The following ISLR variants were observed in gnomAD, a reference collection of about 807,000 sequenced individuals.
The protein encoded by ISLR is immunoglobulin superfamily containing leucine-rich repeat protein.
In ISLR, 9 loss-of-function variants were observed where a neutral mutation model predicts 11.0. The ratio of observed to expected loss-of-function variants is 0.82; its 90% CI spans 0.49 to 1.43. The LOEUF (loss-of-function observed/expected upper bound fraction) is 1.43. ISLR is among the 40% of genes most tolerant of loss of function. The pLI is 0.00. For synonymous variants in ISLR, 262 were observed against 264.1 expected (o/e 0.99, Z 0.08); for missense variants, 510 against 576.4 (o/e 0.88, Z 1.18).
rs770211289 is a variant in ISLR at position 74,175,999 on chromosome 15, C to T, written c.1141C>T (p.Pro381Ser). The T allele has an allele frequency of 2.1e-5, 34 of 1,613,142 alleles. No individual in the cohort carries two copies. The East Asian group carries it at 7.6e-4, about 36-fold the overall frequency. ...TVDNEVQPSG[P>S]EDNVVIIYLS... is the part of the protein sequence containing the mutation. ...TGACAACGAGGTGCAGCCATCAGGG[C>T]CGGAGGACAATGTGGTCATCATCTA... is the stretch of plus-strand genomic sequence containing the variant. Residue 381 changes from proline (P) to serine (S), a missense_variant, in exon 2 of 2, where the codon CCG (proline) becomes TCG (serine). Coordinates refer to ENST00000249842, the MANE Select transcript of ISLR (RefSeq NM_005545.4). This position sits in a 1 kb window ranked among gnomAD's most constrained non-coding sequence, Gnocchi z 4.7.
rs2072789606 is a variant in ISLR at position 74,175,856 on chromosome 15, T to G, written c.998T>G (p.Leu333Arg). Residue 333 changes from leucine (L) to arginine (R), a missense_variant, in exon 2 of 2, where the codon CTG becomes CGG. Leu to Arg is a moderately radical substitution (Grantham distance 102). Coordinates refer to ENST00000249842, the MANE Select transcript of ISLR (RefSeq NM_005545.4). This position sits in a 1 kb window ranked among gnomAD's most constrained non-coding sequence, Gnocchi z 4.7. The stretch of plus-strand genomic sequence containing the variant: ...TACAGCTGCCTGGCCACCAATGAGC[T>G]GGGCAGTGCTGAGAGCTCAGTGGAC... ...GTYSCLATNE[L>R]GSAESSVDVA... 6.2e-7 allele frequency: 1 copy of G among 1,613,926 alleles called. No homozygotes were observed.
In ISLR at chr15:74,174,957, C is replaced by T. The variant is rs762783133; in HGVS notation, c.99C>T (p.Ile33=). 24 of 1,612,044 alleles carry T rather than the reference C, an allele frequency of 1.5e-5. No homozygotes were observed. The highest frequency in any genetic ancestry group is 1.6e-4 in the Middle Eastern group (1 of 6,074). The change falls in exon 2 of 2, where the codon ATC becomes ATT. Residue 33 remains isoleucine (I), a synonymous_variant. Transcript: ENST00000249842. ...GTGGGGAAAAGTATGGCTTCCAGAT[C>T]GCCGACTGTGCCTACCGCGACCTAG... ...CDCGEKYGFQ[I]ADCAYRDLES... is the part of the protein sequence containing the mutation.
intron 1 of ISLR, 104 bp from the exon 2 acceptor site, chr15:74,174,747 G>A (rs937931735): frequency 2.6e-5 from 23 of 868,626 alleles, no homozygotes; most frequent in Non-Finnish European, 3.6e-5. Flanking sequence ...GGTTATGTGG[G>A]ACAGGGCCTC....
In ISLR at chr15:74,175,872, C is replaced by T; in HGVS notation, c.1014C>T (p.Ser338=). The change falls in exon 2 of 2, where the codon AGC becomes AGT. Residue 338 remains serine (S), a synonymous_variant. Coordinates refer to ENST00000249842, the MANE Select transcript of ISLR (RefSeq NM_005545.4). The surrounding 1 kb of genome is among the most constrained non-coding windows in gnomAD (Gnocchi z 4.7). ...LATNELGSAE[S]SVDVALATPG... is the part of the protein sequence containing the mutation. Reference sequence around the variant, plus strand: ...CCAATGAGCTGGGCAGTGCTGAGAGCTCAGTGGACGTGGCACTGGCCACGC... The same window carrying T: ...CCAATGAGCTGGGCAGTGCTGAGAGTTCAGTGGACGTGGCACTGGCCACGC... The T allele has an allele frequency of 6.2e-7, 1 of 1,614,036 alleles. No individual in the cohort carries two copies. Among genetic ancestry groups the T allele is most frequent in the South Asian group, 1.1e-5 (1 of 91,078 alleles).
Position 74,175,482 on chromosome 15 carries a change from C to T in ISLR, c.624C>T (p.Ile208=), listed in dbSNP as rs200075198. 9.9e-6 allele frequency: 16 copies of T among 1,610,556 alleles called. No homozygotes were observed. The East Asian group carries it at 2.0e-4, about 20-fold the overall frequency. Reference sequence around the variant, plus strand: ...TGTCCATCCCGGAGCAGGACAACATCGCCTGCACCTCACCCCATGTGCTCA... The same window carrying T: ...TGTCCATCCCGGAGCAGGACAACATTGCCTGCACCTCACCCCATGTGCTCA... ...TAVSIPEQDN[I]ACTSPHVLKG... Residue 208 remains isoleucine (I), a synonymous_variant, in exon 2 of 2, where the codon ATC becomes ATT. Transcript: ENST00000249842. This position sits in a 1 kb window ranked among gnomAD's most constrained non-coding sequence, Gnocchi z 4.7.
rs754322477 is a variant in ISLR, at chr15:74,174,927, C to A, written c.69C>A (p.Cys23Ter). ...TGGCTCAGGCCTGCCCTGAGCCCTGCGACTGTGGGGAAAAGTATGGCTTCC... is the reference window on the plus strand; with the variant it reads ...TGGCTCAGGCCTGCCCTGAGCCCTGAGACTGTGGGGAAAAGTATGGCTTCC... ...LGLAQACPEP[C>*]DCGEKYGFQI... Residue 23 changes from cysteine (C) to a stop codon, truncating the protein, a stop_gained, in exon 2 of 2, where the codon TGC becomes TGA. Coordinates refer to ENST00000249842, the MANE Select transcript of ISLR (RefSeq NM_005545.4). LOFTEE classifies it high-confidence loss of function. The A allele has an allele frequency of 1.9e-6, 3 of 1,601,340 alleles. No homozygotes were observed. Among genetic ancestry groups the A allele is most frequent in the South Asian group, 2.3e-5 (2 of 88,094 alleles).
At chr15:74,174,679 TCA>T (rs980111273) in intron 1 of ISLR, 170 bp from the exon 2 acceptor site, 22 of 527,508 alleles carry the variant, frequency 4.2e-5, no homozygotes, top group Non-Finnish European at 6.8e-5. Flanking sequence ...TCTCTTGGCC[TCA>T]GTTTCTCCTT....
chr15:74,175,490 C>A lies in ISLR; in HGVS notation c.632C>A (p.Thr211Asn). The A allele has an allele frequency of 6.2e-7, 1 of 1,610,498 alleles. No individual in the cohort carries two copies. The highest frequency in any genetic ancestry group is 8.5e-7 in the Non-Finnish European group (1 of 1,179,964). Reference sequence around the variant, plus strand: ...CCGGAGCAGGACAACATCGCCTGCACCTCACCCCATGTGCTCAAGGGTACG... The same window carrying A: ...CCGGAGCAGGACAACATCGCCTGCAACTCACCCCATGTGCTCAAGGGTACG... ...SIPEQDNIAC[T>N]SPHVLKGTPL... Residue 211 changes from threonine to asparagine, a missense_variant, in exon 2 of 2, where the codon ACC (threonine) becomes AAC (asparagine). Thr to Asn is a moderately conservative substitution (Grantham distance 65). Coordinates refer to ENST00000249842, the MANE Select transcript of ISLR (RefSeq NM_005545.4). The surrounding 1 kb of genome is among the most constrained non-coding windows in gnomAD (Gnocchi z 4.7).
At position 74,175,855 on chromosome 15, in the gene ISLR, C is replaced by T; in HGVS notation, c.997C>T (p.Leu333=). The T allele has an allele frequency of 6.2e-7, 1 of 1,614,068 alleles. No individual in the cohort carries two copies. Among genetic ancestry groups the T allele is most frequent in the South Asian group, 1.1e-5 (1 of 91,084 alleles). ...GTYSCLATNE[L]GSAESSVDVA... The stretch of plus-strand genomic sequence containing the variant: ...CTACAGCTGCCTGGCCACCAATGAG[C>T]TGGGCAGTGCTGAGAGCTCAGTGGA... Residue 333 remains leucine, a synonymous_variant, in exon 2 of 2, where the codon CTG becomes TTG. Transcript: ENST00000249842. The surrounding 1 kb of genome is among the most constrained non-coding windows in gnomAD (Gnocchi z 4.7).
chr15:74,175,018 A>G lies in ISLR; in HGVS notation c.160A>G (p.Thr54Ala). 1 of 1,612,198 alleles carries G rather than the reference A, an allele frequency of 6.2e-7. No individual in the cohort carries two copies. Among genetic ancestry groups the G allele is most frequent in the Non-Finnish European group, 8.5e-7 (1 of 1,179,382 alleles). ...GCCTGGCTTCCCGGCCAATGTGACT[A>G]CACTGAGCCTGTCAGCCAACCGGCT... Reference protein sequence around the residue: ...VPPGFPANVTTLSLSANRLPG... With the variant: ...VPPGFPANVTALSLSANRLPG... The change falls in exon 2 of 2, where the codon ACA becomes GCA. Residue 54 changes from threonine to alanine, a missense_variant. By Grantham distance (58) the Thr-to-Ala change is moderately conservative. Coordinates refer to ENST00000249842, the MANE Select transcript of ISLR (RefSeq NM_005545.4). This position sits in a 1 kb window ranked among gnomAD's most constrained non-coding sequence, Gnocchi z 4.7.
Position 74,176,000 on chromosome 15 carries a change from C to T in ISLR, c.1142C>T (p.Pro381Leu), listed in dbSNP as rs775894571. The change falls in exon 2 of 2, where the codon CCG becomes CTG. Residue 381 changes from proline (P) to leucine (L), a missense_variant. Pro to Leu is a moderately conservative substitution (Grantham distance 98). Transcript: ENST00000249842. The surrounding 1 kb of genome is among the most constrained non-coding windows in gnomAD (Gnocchi z 4.7). ...TVDNEVQPSG[P>L]EDNVVIIYLS... ...GACAACGAGGTGCAGCCATCAGGGC[C>T]GGAGGACAATGTGGTCATCATCTAC... 6.8e-6 allele frequency: 11 copies of T among 1,613,122 alleles called. No individual in the cohort carries two copies. Among genetic ancestry groups the T allele is most frequent in the Admixed American group, 1.7e-5 (1 of 59,930 alleles).
Position 74,176,024 on chromosome 15 carries a change from A to T in ISLR, c.1166A>T (p.Tyr389Phe). 1 of 1,613,266 alleles carries T rather than the reference A, an allele frequency of 6.2e-7. No homozygotes were observed. Among genetic ancestry groups the T allele is most frequent in the Non-Finnish European group, 8.5e-7 (1 of 1,179,514 alleles). Residue 389 changes from tyrosine (Y) to phenylalanine (F), a missense_variant, in exon 2 of 2, where the codon TAC becomes TTC. Coordinates refer to ENST00000249842, the MANE Select transcript of ISLR (RefSeq NM_005545.4). ...CCGGAGGACAATGTGGTCATCATCT[A>T]CCTCAGCCGTGCTGGGAACCCTGAG... ...SGPEDNVVII[Y>F]LSRAGNPEAA...
In ISLR at chr15:74,175,527, C is replaced by T; in HGVS notation, c.669C>T (p.Arg223=). ...PHVLKGTPLS[R]LPPLPCSAPS... ...TGCTCAAGGGTACGCCGCTGAGCCG[C>T]CTGCCGCCACTGCCATGCTCGGCGC... Residue 223 remains arginine, a synonymous_variant, in exon 2 of 2, where the codon CGC becomes CGT. Coordinates refer to ENST00000249842, the MANE Select transcript of ISLR (RefSeq NM_005545.4). This position sits in a 1 kb window ranked among gnomAD's most constrained non-coding sequence, Gnocchi z 4.7. 6.2e-7 allele frequency: 1 copy of T among 1,610,216 alleles called. No homozygotes were observed. The highest frequency in any genetic ancestry group is 8.5e-7 in the Non-Finnish European group (1 of 1,179,190).
In ISLR at chr15:74,176,214, T is replaced by C; in HGVS notation, c.*69T>C. ...TGCCCCTTTAAGTGCTGCAGGGGTC[T>C]GGGGTTGGCAACTCCTGAGGCCTGC... On this transcript the variant is annotated 3_prime_UTR_variant, in exon 2 of 2. Transcript: ENST00000249842. 1 of 1,360,778 alleles carries C rather than the reference T, an allele frequency of 7.3e-7. No individual in the cohort carries two copies. The highest frequency in any genetic ancestry group is 1.0e-6 in the Non-Finnish European group (1 of 1,001,012). 84.3% of individuals were successfully genotyped at this position (1,360,778 alleles called of 1,614,324 possible).
Position 74,175,289 on chromosome 15 carries a change from G to A in ISLR, c.431G>A (p.Ser144Asn). 1 of 1,612,200 alleles carries A rather than the reference G, an allele frequency of 6.2e-7. No homozygotes were observed. The highest frequency in any genetic ancestry group is 8.5e-7 in the Non-Finnish European group (1 of 1,180,000). Residue 144 changes from serine to asparagine, a missense_variant, in exon 2 of 2, where the codon AGC (serine) becomes AAC (asparagine). Coordinates refer to ENST00000249842, the MANE Select transcript of ISLR (RefSeq NM_005545.4). This position sits in a 1 kb window ranked among gnomAD's most constrained non-coding sequence, Gnocchi z 4.7. Reference protein sequence around the residue: ...LTFIPRDAFRSLRALRSLQLN... With the variant: ...LTFIPRDAFRNLRALRSLQLN... ...TTCATCCCCCGCGACGCCTTCCGCA[G>A]CCTCCGTGCTCTGCGCTCGCTGCAA...
Position 74,174,989 on chromosome 15 carries a change from T to C in ISLR, c.131T>C (p.Val44Ala). ...ADCAYRDLESVPPGFPANVTT... is the reference protein window; with the variant it reads ...ADCAYRDLESAPPGFPANVTT... Reference sequence around the variant, plus strand: ...TGTGCCTACCGCGACCTAGAATCCGTGCCGCCTGGCTTCCCGGCCAATGTG... The same window carrying C: ...TGTGCCTACCGCGACCTAGAATCCGCGCCGCCTGGCTTCCCGGCCAATGTG... The change falls in exon 2 of 2, where the codon GTG becomes GCG. Residue 44 changes from valine (V) to alanine (A), a missense_variant. Physicochemically the swap from Val to Ala is moderately conservative, Grantham distance 64. Transcript: ENST00000249842. 1 of 1,613,060 alleles carries C rather than the reference T, an allele frequency of 6.2e-7. No homozygotes were observed. The highest frequency in any genetic ancestry group is 8.5e-7 in the Non-Finnish European group (1 of 1,179,758).
rs775323528 is a variant in ISLR, at chr15:74,175,685, G to A, written c.827G>A (p.Gly276Asp). 1.1e-5 allele frequency: 17 copies of A among 1,614,022 alleles called. No homozygotes were observed. The South Asian group carries it at 1.6e-4, about 16-fold the overall frequency. ...QLHWHIQIPSGIVEITSPNVG... is the reference protein window; with the variant it reads ...QLHWHIQIPSDIVEITSPNVG... ...CACTGGCACATCCAGATACCCAGTG[G>A]CATTGTGGAGATCACCAGCCCCAAC... The change falls in exon 2 of 2, where the codon GGC becomes GAC. Residue 276 changes from glycine to aspartate, a missense_variant. Transcript: ENST00000249842. The surrounding 1 kb of genome is among the most constrained non-coding windows in gnomAD (Gnocchi z 4.7).
Position 74,175,154 on chromosome 15 carries a change from A to G in ISLR, c.296A>G (p.His99Arg), listed in dbSNP as rs919725110. The change falls in exon 2 of 2, where the codon CAT becomes CGT. Residue 99 changes from histidine to arginine, a missense_variant. By Grantham distance (29) the His-to-Arg change is conservative. Coordinates refer to ENST00000249842, the MANE Select transcript of ISLR (RefSeq NM_005545.4). The surrounding 1 kb of genome is among the most constrained non-coding windows in gnomAD (Gnocchi z 4.7). Reference sequence around the variant, plus strand: ...GCCGGAGCCCTGGCCTCTCTGAGCCATCTCAAGAGCCTGGACCTCAGCCAC... The same window carrying G: ...GCCGGAGCCCTGGCCTCTCTGAGCCGTCTCAAGAGCCTGGACCTCAGCCAC... Reference protein sequence around the residue: ...VAAGALASLSHLKSLDLSHNL... With the variant: ...VAAGALASLSRLKSLDLSHNL... 2.5e-6 allele frequency: 4 copies of G among 1,611,988 alleles called. No individual in the cohort carries two copies. The highest frequency in any genetic ancestry group is 1.3e-5 in the African/African-American group (1 of 74,874).
At position 74,175,329 on chromosome 15, in the gene ISLR, C is replaced by T. The variant is rs1355303028; in HGVS notation, c.471C>T (p.Arg157=). 3 of 1,611,300 alleles carry T rather than the reference C, an allele frequency of 1.9e-6. No individual in the cohort carries two copies. The highest frequency in any genetic ancestry group is 2.2e-5 in the South Asian group (2 of 91,072). Residue 157 remains arginine (R), a synonymous_variant, in exon 2 of 2, where the codon CGC becomes CGT. Transcript: ENST00000249842. This position sits in a 1 kb window ranked among gnomAD's most constrained non-coding sequence, Gnocchi z 4.7. ...GCTCGCTGCAACTCAACCACAACCG[C>T]TTGCACACATTGGCCGAGGGCACCT... is the stretch of plus-strand genomic sequence containing the variant. ...ALRSLQLNHN[R]LHTLAEGTFT...
Sources: allele counts gnomAD v4.1 joint callset, GRCh38; gene constraint gnomAD v4.1.1; non-coding constraint Gnocchi (gnomAD v3.1); transcripts MANE v1.5; gene names NCBI Gene and HGNC (gene_info 2026-07-23, HGNC 2026-07-21).